Variants in FAM135B observed in about 807,000 individuals in gnomAD.
The protein encoded by FAM135B is family with sequence similarity 135 member B.
Under a neutral mutation model 127.7 loss-of-function variants are expected in FAM135B, and 43 were observed. The observed-to-expected ratio is 0.34, with a 90% CI of 0.26 to 0.43. FAM135B has a LOEUF of 0.43. Ranked by LOEUF, FAM135B falls within the 20% of genes least tolerant of loss-of-function variation. FAM135B has a pLI of 1.00. For missense variants in FAM135B, 1,558 were observed against 1,725.6 expected (o/e 0.90, Z 1.72); for synonymous variants, 670 against 665.1 (o/e 1.01, Z -0.11).
At chr8:138,409,023 TC>T (rs1833698128) in intron 1 of FAM135B, among the ~76,000 whole-genome samples, 1 of 152,198 alleles carries the variant, frequency 6.6e-6, no homozygotes, top group African/African-American at 2.4e-5. Flanking sequence ...CAAGACCTTT[TC>T]CCTTATATTT....
At chr8:138,207,216 CTTTT>C (rs72229891) in intron 7 of FAM135B, among the ~76,000 whole-genome samples, 67,525 of 133,808 alleles carry the variant, frequency 0.5, 16,113 homozygotes, top group South Asian at 0.59. Context: ...TGAAACAATA[CTTTT>C]TTTTTTTTTT....
At chr8:138,334,129 G>T (rs1828379951) in intron 2 of FAM135B, among the ~76,000 whole-genome samples, 1 of 152,088 alleles carries the variant, frequency 6.6e-6, no homozygotes, top group African/African-American at 2.4e-5. Flanking sequence ...TGCCATGTTT[G>T]CCAGGCTGGT....
At chr8:138,284,630 G>A (rs1295153027) in intron 3 of FAM135B, among the ~76,000 whole-genome samples, 1 of 151,324 alleles carries the variant, frequency 6.6e-6, no homozygotes, top group Non-Finnish European at 1.5e-5. Flanking sequence ...TGCCCATGCT[G>A]TTCCCTCTGC....
chr8:138,400,778 CT>C (rs1833115880), intron 1 of FAM135B, among the ~76,000 whole-genome samples: 1 of 152,300 alleles, frequency 6.6e-6, no homozygotes, highest in East Asian at 1.9e-4. Context: ...TCCCATCCCC[CT>C]AATTTTAAAC....
chr8:138,425,932 T>G (rs1005816190), intron 1 of FAM135B, among the ~76,000 whole-genome samples: 3 of 143,866 alleles, frequency 2.1e-5, no homozygotes, highest in Non-Finnish European at 4.5e-5. Flanking sequence ...GCAGATCACC[T>G]GAAGTCAGGA....
chr8:138,200,581 C>A (rs1817034627), intron 7 of FAM135B, among the ~76,000 whole-genome samples: 1 of 152,162 alleles, frequency 6.6e-6, no homozygotes, highest in Admixed American at 6.5e-5. Context: ...GTGAAACAAA[C>A]AAAACCCCAT....
At chr8:138,338,496 G>A (rs1260554780) in intron 2 of FAM135B, among the ~76,000 whole-genome samples, 2 of 151,228 alleles carry the variant, frequency 1.3e-5, no homozygotes, top group African/African-American at 2.5e-5. Context: ...GCAGCCAAAA[G>A]ACACATGAAA....
intron 2 of FAM135B, 112 bp from the exon 3 acceptor site, chr8:138,311,032 C>A (rs1456381060): frequency 5.3e-6 from 4 of 753,842 alleles, no homozygotes; most frequent in Non-Finnish European, 8.7e-6. Flanking sequence ...AGTTTCTTGG[C>A]AGCATGCACA....
intron 1 of FAM135B, among the ~76,000 whole-genome samples, chr8:138,402,002 GGTGTGTGTGTGTCTGT>G (rs1454585894): frequency 6.6e-6 from 1 of 151,956 alleles, no homozygotes; most frequent in Non-Finnish European, 1.5e-5. Context: ...GCCTGTCCCT[GGTGTGTGTGTGTCTGT>G]GTGTGTGTGT....
intron 14 of FAM135B, 57 bp from the exon 15 acceptor site, chr8:138,146,107 AC>A: frequency 1.2e-6 from 1 of 847,652 alleles, no homozygotes; most frequent in Non-Finnish European, 1.9e-6. Flanking sequence ...TAAAAGGTTG[AC>A]ACACGAGGAA....
chr8:138,233,586 G>C (rs1395084716), intron 7 of FAM135B, among the ~76,000 whole-genome samples: 1 of 152,122 alleles, frequency 6.6e-6, no homozygotes, highest in East Asian at 1.9e-4. Context: ...TAAGGGGAAT[G>C]CTTCATGACA....
intron 7 of FAM135B, among the ~76,000 whole-genome samples, chr8:138,217,077 A>T (rs1818603967): frequency 1.3e-5 from 2 of 152,204 alleles, no homozygotes; most frequent in African/African-American, 2.4e-5. Context: ...CTATGTAAGC[A>T]TTGCCTGTCA....
Position 138,139,012 on chromosome 8 carries a change from A to T in FAM135B, c.3875T>A (p.Phe1292Tyr), listed in dbSNP as rs2130563878. The T allele has an allele frequency of 6.2e-7, 1 of 1,613,628 alleles. No individual in the cohort carries two copies. The highest frequency in any genetic ancestry group is 1.1e-5 in the South Asian group (1 of 91,070). The change falls in exon 18 of 20, where the codon TTC (phenylalanine) becomes TAC (tyrosine). Residue 1292 changes from phenylalanine to tyrosine, a missense_variant. Coordinates refer to ENST00000395297, the MANE Select transcript of FAM135B (RefSeq NM_015912.4). ...FRDNADLRKC[F>Y]LYQLSQKTGL... is the part of the protein sequence containing the mutation. ...TGTTTTTTGGCTTAGTTGGTAGAGG[A>T]AACATTTGCGCAAATCAGCATTATC...
intron 2 of FAM135B, among the ~76,000 whole-genome samples, chr8:138,343,740 C>T (rs1049379242): frequency 6.6e-6 from 1 of 152,202 alleles, no homozygotes; most frequent in Non-Finnish European, 1.5e-5. Flanking sequence ...GGAACTCCCA[C>T]CTCATAATCA....
chr8:138,349,685 T>C (rs144608730), intron 2 of FAM135B, among the ~76,000 whole-genome samples: 4 of 152,270 alleles, frequency 2.6e-5, no homozygotes, highest in African/African-American at 9.6e-5. Context: ...GAATGAATAC[T>C]TATGTGTGAG....
intron 3 of FAM135B, among the ~76,000 whole-genome samples, chr8:138,267,895 T>C (rs563644404): frequency 6.6e-6 from 1 of 152,336 alleles, no homozygotes; most frequent in East Asian, 1.9e-4. Flanking sequence ...TAAAAATGAT[T>C]CATGTGTGCA....
chr8:138,383,332 T>C (rs1229097101), intron 1 of FAM135B, among the ~76,000 whole-genome samples: 2 of 152,194 alleles, frequency 1.3e-5, no homozygotes, highest in African/African-American at 4.8e-5. Flanking sequence ...TAGCTTAATG[T>C]GGTCAGTTTT....
intron 15 of FAM135B, among the ~76,000 whole-genome samples, chr8:138,145,506 T>C (rs528975528): frequency 1.3e-5 from 2 of 152,122 alleles, no homozygotes; most frequent in Admixed American, 6.6e-5. Flanking sequence ...AGAACTGCCA[T>C]GAAGATAAAA....
chr8:138,375,010 CAA>C (rs1831374124), intron 1 of FAM135B, among the ~76,000 whole-genome samples: 4 of 151,876 alleles, frequency 2.6e-5, no homozygotes, highest in African/African-American at 9.7e-5. Context: ...ACAACAACAA[CAA>C]CAACCCCAGA....
Sources: gnomAD v4.1 joint callset for allele counts (sites outside exome capture counted in the v4.1 genomes callset) on GRCh38, gnomAD v4.1.1 for gene constraint, MANE v1.5 for transcripts, NCBI Gene and HGNC (gene_info 2026-07-23, HGNC 2026-07-21) for gene names.